SMYD3: variants seen among roughly 807,000 people sequenced by gnomAD.
SMYD3 encodes SET and MYND domain containing 3, also known as histone-lysine N-methyltransferase SMYD3.
Under a neutral mutation model 57.7 loss-of-function variants are expected in SMYD3, and 36 were observed. The ratio of observed to expected loss-of-function variants is 0.62; its 90% CI spans 0.48 to 0.82. The LOEUF is 0.82. SMYD3 is among the 40% of genes least tolerant of loss of function. The pLI, the probability that SMYD3 is intolerant of heterozygous loss-of-function variation, is 0.00. For missense variants in SMYD3, 515 were observed against 538.8 expected (o/e 0.96, Z 0.44); for synonymous variants, 211 against 195.0 (o/e 1.08, Z -0.68).
At chr1:246,007,526 G>GA (rs1196804075) in intron 5 of SMYD3, among the ~76,000 whole-genome samples, 3 of 152,014 alleles carry the variant, frequency 2.0e-5, no homozygotes, top group Non-Finnish European at 1.5e-5. Context: ...AAGGCAGAAG[G>GA]AGGCCGGGCA....
chr1:246,402,248 G>C (rs1182154267), intron 1 of SMYD3, among the ~76,000 whole-genome samples: 1 of 151,676 alleles, frequency 6.6e-6, no homozygotes, highest in East Asian at 1.9e-4. Context: ...TCTTCATCCT[G>C]ATGAACAAAT....
intron 5 of SMYD3, among the ~76,000 whole-genome samples, chr1:246,127,085 A>G (rs2061521139): frequency 6.6e-6 from 1 of 152,328 alleles, no homozygotes; most frequent in South Asian, 2.1e-4. Context: ...GGTAAAGTGC[A>G]AAAGTACCAA....
chr1:246,174,722 C>G (rs919128329), intron 5 of SMYD3, among the ~76,000 whole-genome samples: 1 of 152,226 alleles, frequency 6.6e-6, no homozygotes, highest in Non-Finnish European at 1.5e-5. Context: ...GCTGGAATTA[C>G]AGGTACACAC....
chr1:245,932,212 T>C (rs2056763292), intron 5 of SMYD3, among the ~76,000 whole-genome samples: 1 of 152,172 alleles, frequency 6.6e-6, no homozygotes, highest in South Asian at 2.1e-4. Context: ...CCAGCATGGT[T>C]TTTTCCTGGA....
intron 2 of SMYD3, among the ~76,000 whole-genome samples, chr1:246,352,164 CATAA>C (rs2065842055): frequency 1.7e-5 from 1 of 57,230 alleles, no homozygotes; most frequent in African/African-American, 6.4e-5. Flanking sequence ...AAAAAAAAAA[CATAA>C]AGAAAGAAAT....
chr1:245,750,221 G>A (rs2045279655), intron 11 of SMYD3, among the ~76,000 whole-genome samples: 1 of 152,098 alleles, frequency 6.6e-6, no homozygotes, highest in South Asian at 2.1e-4. Context: ...GTGGGCTTAT[G>A]AGTACTTCAA....
At chr1:245,777,475 C>T (rs1013532643) in intron 10 of SMYD3, among the ~76,000 whole-genome samples, 12 of 152,126 alleles carry the variant, frequency 7.9e-5, no homozygotes, top group Non-Finnish European at 1.8e-4. Context: ...TTGCCTGAGG[C>T]TATTCCCATC....
intron 5 of SMYD3, among the ~76,000 whole-genome samples, chr1:246,252,440 A>G (rs955356600): frequency 6.6e-6 from 1 of 152,240 alleles, no homozygotes; most frequent in African/African-American, 2.4e-5. Flanking sequence ...GCACACGGAG[A>G]TGAGTGAATT....
chr1:245,922,995 A>T (rs2056091189), intron 7 of SMYD3, among the ~76,000 whole-genome samples: 1 of 152,168 alleles, frequency 6.6e-6, no homozygotes, highest in African/African-American at 2.4e-5. Flanking sequence ...TGCTTCCTAA[A>T]TTGAATCACC....
intron 5 of SMYD3, among the ~76,000 whole-genome samples, chr1:246,224,958 G>A (rs181621171): frequency 6.6e-6 from 1 of 152,118 alleles, no homozygotes; most frequent in African/African-American, 2.4e-5. Flanking sequence ...AGTTTGAGAT[G>A]CTTTTCAAAT....
At chr1:246,506,074 T>C (rs2068532039) in intron 1 of SMYD3, among the ~76,000 whole-genome samples, 1 of 152,222 alleles carries the variant, frequency 6.6e-6, no homozygotes, top group Non-Finnish European at 1.5e-5. Flanking sequence ...AAATTACAGA[T>C]ACGAGTTTTG....
chr1:245,916,158 GA>G (rs1428756354), intron 7 of SMYD3, among the ~76,000 whole-genome samples: 1 of 150,200 alleles, frequency 6.7e-6, no homozygotes, highest in Non-Finnish European at 1.5e-5. Flanking sequence ...TCTAGGTTTG[GA>G]AAAAAAAGGG....
intron 1 of SMYD3, among the ~76,000 whole-genome samples, chr1:246,502,324 G>T (rs61839843): frequency 0.089 from 13,494 of 151,856 alleles, 632 homozygotes; most frequent in Middle Eastern, 0.21. Flanking sequence ...TAGAGACAGG[G>T]TTTTGCCATG....
intron 5 of SMYD3, among the ~76,000 whole-genome samples, chr1:246,003,392 T>C (rs1190246121): frequency 1.3e-5 from 2 of 152,202 alleles, no homozygotes; most frequent in African/African-American, 4.8e-5. Context: ...AATTCCGTCT[T>C]GCAACAATTC....
At chr1:246,015,044 G>A (rs1172041840) in intron 5 of SMYD3, among the ~76,000 whole-genome samples, 1 of 152,082 alleles carries the variant, frequency 6.6e-6, no homozygotes, top group Non-Finnish European at 1.5e-5. Context: ...ATGGTCCCAG[G>A]CCATGGTATG....
chr1:246,054,965 G>A (rs1159463540), intron 5 of SMYD3, among the ~76,000 whole-genome samples: 1 of 151,126 alleles, frequency 6.6e-6, no homozygotes, highest in Non-Finnish European at 1.5e-5. Flanking sequence ...CACGAGGTCA[G>A]GAGATCGTGA....
At chr1:245,763,954 A>G in intron 11 of SMYD3, 87 bp downstream of exon 11, 1 of 986,176 alleles carries the variant, frequency 1.0e-6, no homozygotes, top group Non-Finnish European at 1.6e-6. Context: ...ACACATACAT[A>G]GAGCTGCTAA....
intron 5 of SMYD3, among the ~76,000 whole-genome samples, chr1:246,318,857 A>G (rs1326149773): frequency 6.6e-6 from 1 of 152,222 alleles, no homozygotes; most frequent in African/African-American, 2.4e-5. Context: ...ATCCTTCCCA[A>G]CTTCAGAAGT....
chr1:246,393,674 TAAAAAAAAAAAA>T (rs796510890), intron 1 of SMYD3, among the ~76,000 whole-genome samples: 1 of 92,426 alleles, frequency 1.1e-5, no homozygotes. Flanking sequence ...CCCCCATCTC[TAAAAAAAAAAAA>T]AAAAAAAAAA....
Sources: allele counts gnomAD v4.1 joint callset (sites outside exome capture counted in the v4.1 genomes callset), GRCh38; gene constraint gnomAD v4.1.1; transcripts MANE v1.5; gene names NCBI Gene and HGNC (gene_info 2026-07-23, HGNC 2026-07-21).